The following ALDH3A1 variants were observed in gnomAD, a reference collection of about 807,000 sequenced individuals.
ALDH3A1 encodes aldehyde dehydrogenase, dimeric NADP-preferring.
ALDH3A1 carries 46 observed loss-of-function variants against 49.9 expected under a neutral mutation model. The observed-to-expected ratio is 0.92, with a 90% confidence interval of 0.73 to 1.18. The LOEUF (loss-of-function observed/expected upper bound fraction) is 1.18. Ranked by LOEUF, ALDH3A1 falls within the 50% of genes most tolerant of loss-of-function variation. The pLI is 0.00. For missense variants in ALDH3A1, 592 were observed against 611.8 expected, an observed-to-expected ratio of 0.97 and a Z score of 0.34; for synonymous variants, 269 against 253.3, an observed-to-expected ratio of 1.06 and a Z score of -0.59.
chr17:19,740,295 C>A, intron 7 of ALDH3A1, 41 bp downstream of exon 7: 2 of 1,602,734 alleles, frequency 1.2e-6, no homozygotes, highest in Non-Finnish European at 1.7e-6. Flanking sequence ...GGGACCCCTG[C>A]AGCCTGGGCA....
At position 19,742,542 on chromosome 17, in the gene ALDH3A1, C is replaced by T. The variant is rs746635894; in HGVS notation, c.480+3G>A. ...AGTTACGAGGCCCTGGAGGGCAACT[C>T]ACCTTGTCCAGGTACTGGGGGATGA... On this transcript the variant is annotated splice_donor_region_variant and intron_variant, in intron 4 of 10. Coordinates refer to ENST00000225740, the MANE Select transcript of ALDH3A1 (RefSeq NM_000691.5). 6.2e-7 allele frequency: 1 copy of T among 1,611,904 alleles called. No homozygotes were observed. Among genetic ancestry groups the T allele is most frequent in the Non-Finnish European group, 8.5e-7 (1 of 1,178,460 alleles).
intron 5 of ALDH3A1, 96 bp from the exon 6 acceptor site, chr17:19,741,306 C>T (rs1214774774): frequency 9.3e-6 from 10 of 1,072,396 alleles, no homozygotes; most frequent in South Asian, 5.5e-5. Flanking sequence ...CAGAAGCCAT[C>T]GGCTGTGACC....
rs113168621 is a variant in ALDH3A1 at position 19,738,412 on chromosome 17, C to T, written c.1258G>A (p.Glu420Lys). The T allele has an allele frequency of 2.5e-6, 4 of 1,613,560 alleles. No individual in the cohort carries two copies. Among genetic ancestry groups the T allele is most frequent in the Non-Finnish European group, 2.5e-6 (3 of 1,179,780 alleles). Residue 420 changes from glutamate (E) to lysine (K), a missense_variant, in exon 10 of 11, where the codon GAG becomes AAG. Coordinates refer to ENST00000225740, the MANE Select transcript of ALDH3A1 (RefSeq NM_000691.5). ...CAAGAGCGGCGGTGAGAGAAAGTCT[C>T]GAAGCTCTTCTTGCCATGGTAGGAT... is the stretch of plus-strand genomic sequence containing the variant. ...MGSYHGKKSF[E>K]TFSHRRSCLV... is the part of the protein sequence containing the mutation.
At chr17:19,744,101 A>G in intron 2 of ALDH3A1, 1 of 985,358 alleles carries the variant, frequency 1.0e-6, no homozygotes. Context: ...CCATTTCTTG[A>G]AAAGTGCAGT....
chr17:19,738,144 G>C lies in ALDH3A1; in HGVS notation c.*77C>G, dbSNP rs1445317487. 1.2e-6 allele frequency: 2 copies of C among 1,610,320 alleles called. No individual in the cohort carries two copies. Among genetic ancestry groups the C allele is most frequent in the Admixed American group, 3.3e-5 (2 of 60,012 alleles). ...TGGGGCTGCAGGAGCGATTCTCCCA[G>C]GGCCAGGAGAGCCAGTGAGGGTGGT... On this transcript the variant is annotated 3_prime_UTR_variant, in exon 11 of 11. Transcript: ENST00000225740.
rs1241041377 is a variant in ALDH3A1, at chr17:19,738,872, A to T, written c.1216+124T>A. On this transcript the variant is annotated intron_variant, in intron 9 of 10. Transcript: ENST00000225740. ...GATGGCACGCAGAGGCCAAGGTCCAAATGGAAGAGGCTAATGGGAGGCTGC... is the reference window on the plus strand; with the variant it reads ...GATGGCACGCAGAGGCCAAGGTCCATATGGAAGAGGCTAATGGGAGGCTGC... The T allele has an allele frequency of 4.9e-6, 4 of 812,200 alleles. No homozygotes were observed. In the East Asian group the frequency reaches 1.1e-4, roughly 22 times the overall value. 50.3% of individuals were successfully genotyped at this position (812,200 alleles called of 1,614,324 possible).
In ALDH3A1 at chr17:19,738,021, G is replaced by C; in HGVS notation, c.*200C>G. The C allele has an allele frequency of 6.6e-7, 1 of 1,504,784 alleles. No individual in the cohort carries two copies. Among genetic ancestry groups the C allele is most frequent in the Non-Finnish European group, 8.9e-7 (1 of 1,126,596 alleles). 93.2% of individuals were successfully genotyped at this position (1,504,784 alleles called of 1,614,324 possible). On this transcript the variant is annotated 3_prime_UTR_variant, in exon 11 of 11. Transcript: ENST00000225740. ...GAAAATTGTATTCGTCTCTTTATTG[G>C]TCTAGAAAGGGGTGGAGACTTGGAA...
intron 4 of ALDH3A1, 46 bp downstream of exon 4, chr17:19,742,499 T>TCA: frequency 1.9e-6 from 3 of 1,582,844 alleles, no homozygotes; most frequent in Non-Finnish European, 2.6e-6. Context: ...TGGCCCTAGC[T>TCA]CAGTTATGAG....
chr17:19,740,238 C>T lies in ALDH3A1; in HGVS notation c.949+98G>A, dbSNP rs116066736. On this transcript the variant is annotated intron_variant, in intron 7 of 10. Transcript: ENST00000225740. ...AAGCAATTTATACCCATCCCGAGGT[C>T]GTGTCCGCTTATCAAGCATCTGTGC... 1.6e-3 allele frequency: 2,372 copies of T among 1,526,148 alleles called. 31 individuals are homozygous for T. In the African/African-American group the frequency reaches 0.028, roughly 18 times the overall value. The allele number at this position is 1,526,148 out of a possible 1,614,324, so 94.5% of individuals were successfully genotyped here.
chr17:19,744,134 A>C (rs1255046895), intron 2 of ALDH3A1: 1 of 985,102 alleles, frequency 1.0e-6, no homozygotes, highest in Non-Finnish European at 1.2e-6. Context: ...GCTGTGGCTC[A>C]TGCCTGTAAT....
In ALDH3A1 at chr17:19,738,325, T is replaced by C. The variant is rs149086635; in HGVS notation, c.1345A>G (p.Lys449Glu). The C allele has an allele frequency of 1.5e-4, 247 of 1,612,892 alleles. No homozygotes were observed. Among genetic ancestry groups the C allele is most frequent in the Non-Finnish European group, 2.0e-4 (240 of 1,179,070 alleles). The change falls in exon 10 of 11, where the codon AAG becomes GAG. Residue 449 changes from lysine (K) to glutamate (E), a missense_variant and splice_region_variant. Physicochemically the swap from Lys to Glu is moderately conservative, Grantham distance 56. Coordinates refer to ENST00000225740, the MANE Select transcript of ALDH3A1 (RefSeq NM_000691.5). ...CCACAGCGCCTTCCCCCTCTCACCT[T>C]GGCCGGGCTCGGGGGGTATCTGACC... ...LKVRYPPSPA[K>E]MTQH
rs1044422041 is a variant in ALDH3A1, at chr17:19,738,063, C to T, written c.*158G>A. ...GACTTGGAATGGTGAGGCCTGGGCC[C>T]ATGTGGGAGTGGGGTGTGCACAGGT... On this transcript the variant is annotated 3_prime_UTR_variant, in exon 11 of 11. Coordinates refer to ENST00000225740, the MANE Select transcript of ALDH3A1 (RefSeq NM_000691.5). 1.9e-6 allele frequency: 3 copies of T among 1,555,088 alleles called. No homozygotes were observed. The highest frequency in any genetic ancestry group is 2.7e-5 in the African/African-American group (2 of 73,880).
chr17:19,746,076 T>A (rs957216024), intron 1 of ALDH3A1, among the ~76,000 whole-genome samples: 4 of 152,252 alleles, frequency 2.6e-5, no homozygotes, highest in Middle Eastern at 6.8e-3. Flanking sequence ...TCTCAGGCAC[T>A]GGGGATAAGA....
intron 1 of ALDH3A1, 181 bp from the exon 2 acceptor site, chr17:19,745,315 C>G: frequency 1.6e-6 from 1 of 623,564 alleles, no homozygotes; most frequent in South Asian, 2.6e-5. Flanking sequence ...CGCCTGGGCC[C>G]TGGCTGCCTT....
At chr17:19,738,571 C>T (rs913247072) in intron 9 of ALDH3A1, 118 bp from the exon 10 acceptor site, 2 of 1,402,328 alleles carry the variant, frequency 1.4e-6, no homozygotes, top group Non-Finnish European at 1.9e-6. Flanking sequence ...AGAGCCCCAG[C>T]CACCATCACC....
At chr17:19,744,900 A>T in intron 2 of ALDH3A1, 68 bp downstream of exon 2, 3 of 270,614 alleles carry the variant, frequency 1.1e-5, no homozygotes, top group South Asian at 9.0e-5. Flanking sequence ...CACTCTCCCC[A>T]GCCCCTCCCC....
chr17:19,744,900 A>ACCCCCCC, intron 2 of ALDH3A1, 68 bp downstream of exon 2: 2 of 270,610 alleles, frequency 7.4e-6, no homozygotes, highest in South Asian at 4.5e-5. Flanking sequence ...CACTCTCCCC[A>ACCCCCCC]GCCCCTCCCC....
intron 9 of ALDH3A1, 81 bp downstream of exon 9, chr17:19,738,915 G>T (rs1319221505): frequency 5.4e-6 from 7 of 1,305,040 alleles, no homozygotes; most frequent in Non-Finnish European, 7.5e-6. Context: ...GCTGCAGGAG[G>T]TGGTCCCTCC....
rs1478369246 is a variant in ALDH3A1 at position 19,743,674 on chromosome 17, G to C, written c.163-211C>G. 1.0e-6 allele frequency: 1 copy of C among 985,220 alleles called. No individual in the cohort carries two copies. The highest frequency in any genetic ancestry group is 1.2e-6 in the Non-Finnish European group (1 of 829,892). The allele number at this position is 985,220 out of a possible 1,614,324, so 61.0% of individuals were successfully genotyped here. A position where few individuals can be genotyped will look rare whatever the true frequency, so the allele number is the denominator to read the frequency against. ...GAGGACCCCTTTCTGCCAGAGGGGG[G>C]CCCAGGTAGGTTTGCGGCCCCAGGG... On this transcript the variant is annotated intron_variant, in intron 2 of 10. Transcript: ENST00000225740. This position sits in a 1 kb window ranked among gnomAD's most constrained non-coding sequence, Gnocchi z 4.4.
Sources: allele counts gnomAD v4.1 joint callset (sites outside exome capture counted in the v4.1 genomes callset), GRCh38; gene constraint gnomAD v4.1.1; non-coding constraint Gnocchi (gnomAD v3.1); transcripts MANE v1.5; gene names NCBI Gene and HGNC (gene_info 2026-07-23, HGNC 2026-07-21).